Variants in PAPPA2 observed in about 807,000 individuals in gnomAD.
The protein encoded by PAPPA2 is pappalysin-2.
Under a neutral mutation model 176.4 loss-of-function variants are expected in PAPPA2, and 86 were observed. The observed-to-expected ratio is 0.49, with a 90% CI of 0.41 to 0.58. PAPPA2 has a LOEUF of 0.58. Among genes scored for constraint, PAPPA2 ranks in the 20% least tolerant of loss-of-function variants. The pLI is 0.00. For missense variants in PAPPA2, 2,073 were observed against 2,256.9 expected (o/e 0.92, Z 1.65); for synonymous variants, 809 against 852.2 (o/e 0.95, Z 0.88).
chr1:176,633,918 G>A (rs1656502315), intron 3 of PAPPA2, among the ~76,000 whole-genome samples: 1 of 152,110 alleles, frequency 6.6e-6, no homozygotes, highest in Non-Finnish European at 1.5e-5. Context: ...AGTTAGAATG[G>A]CGATCATTAA....
chr1:176,723,700 A>T (rs1995651), intron 12 of PAPPA2, among the ~76,000 whole-genome samples: 34,312 of 152,082 alleles, frequency 0.23, 4,554 homozygotes, highest in African/African-American at 0.36. Context: ...CCCAAAAAAA[A>T]TTCTATCATT....
At chr1:176,539,814 C>T (rs902836397) in intron 1 of PAPPA2, among the ~76,000 whole-genome samples, 3 of 152,202 alleles carry the variant, frequency 2.0e-5, no homozygotes, top group Non-Finnish European at 4.4e-5. Context: ...CAGGAGAACT[C>T]ATGCTGGATG....
rs375468446 is a variant in PAPPA2 at position 176,557,156 on chromosome 1, G to T, written c.834G>T (p.Val278=). 1 of 1,613,856 alleles carries T rather than the reference G, an allele frequency of 6.2e-7. No individual in the cohort carries two copies. Among genetic ancestry groups the T allele is most frequent in the African/African-American group, 1.3e-5 (1 of 74,904 alleles). ...AGCGGCTGCTGCTGCGTCCAGAAGT[G>T]CTGGCTGAGATTCCCCGGGAGGCGT... is the stretch of plus-strand genomic sequence containing the variant. The part of the protein sequence containing the change: ...RRERLLLRPE[V]LAEIPREAFT... Residue 278 remains valine, a synonymous_variant, in exon 2 of 23, where the codon GTG becomes GTT. Transcript: ENST00000367662.
At chr1:176,735,714 A>G (rs1208489990) in intron 12 of PAPPA2, among the ~76,000 whole-genome samples, 2 of 151,206 alleles carry the variant, frequency 1.3e-5, no homozygotes, top group Non-Finnish European at 3.0e-5. Flanking sequence ...CTATCTATCT[A>G]TCTATCTATC....
chr1:176,720,386 T>TTA lies in PAPPA2; in HGVS notation c.3798+8415_3798+8416dup, dbSNP rs985827839. ...ATATGCTTAGTTTGTTATCAACATA[T>TTA]TATATATATATGTGCAATATAAAAT... On this transcript the variant is annotated intron_variant, in intron 12 of 22. Transcript: ENST00000367662. Among the ~76,000 whole-genome samples the TTA allele has an allele frequency of 2.7e-4, 41 of 152,162 alleles. 1 individual carries two copies. Among genetic ancestry groups the TTA allele is most frequent in the Admixed American group, 7.9e-4 (12 of 15,278 alleles).
chr1:176,524,235 C>G (rs142097190), intron 1 of PAPPA2, among the ~76,000 whole-genome samples: 5 of 151,484 alleles, frequency 3.3e-5, no homozygotes, highest in African/African-American at 4.8e-5. Flanking sequence ...AAGCCATATA[C>G]GCTGCAGAGT....
At chr1:176,704,961 T>C (rs963096764) in intron 9 of PAPPA2, among the ~76,000 whole-genome samples, 2 of 152,220 alleles carry the variant, frequency 1.3e-5, no homozygotes, top group African/African-American at 4.8e-5. Context: ...ATTACAGTTC[T>C]GTTGGGCCGC....
At chr1:176,730,515 T>C (rs1336547746) in intron 12 of PAPPA2, among the ~76,000 whole-genome samples, 1 of 152,000 alleles carries the variant, frequency 6.6e-6, no homozygotes, top group East Asian at 1.9e-4. Context: ...TACGCATGCA[T>C]GGGGTTTGTC....
chr1:176,477,881 G>A (rs1425174483), intron 1 of PAPPA2, among the ~76,000 whole-genome samples: 1 of 152,124 alleles, frequency 6.6e-6, no homozygotes, highest in Non-Finnish European at 1.5e-5. Flanking sequence ...TTGCTATAAG[G>A]ATCCCAGACT....
intron 1 of PAPPA2, among the ~76,000 whole-genome samples, chr1:176,538,477 G>A (rs1320264439): frequency 6.6e-6 from 1 of 152,188 alleles, no homozygotes; most frequent in Non-Finnish European, 1.5e-5. Context: ...TCATGCCAAG[G>A]TCTGTGCCTT....
At chr1:176,653,024 C>T (rs971048833) in intron 3 of PAPPA2, among the ~76,000 whole-genome samples, 2 of 151,662 alleles carry the variant, frequency 1.3e-5, no homozygotes, top group Non-Finnish European at 3.0e-5. Context: ...TGCTTCTACA[C>T]CACCATTTTA....
intron 3 of PAPPA2, among the ~76,000 whole-genome samples, chr1:176,610,794 C>A (rs1278986056): frequency 1.3e-5 from 2 of 152,196 alleles, no homozygotes; most frequent in Non-Finnish European, 2.9e-5. Context: ...AAAAGAGTCA[C>A]AATGGCCTTT....
In PAPPA2 at chr1:176,844,813, A is replaced by G. The variant is rs998071242; in HGVS notation, c.*2359A>G. 6.6e-6 allele frequency: 1 copy of G among 152,204 alleles called. No individual in the cohort carries two copies. The highest frequency in any genetic ancestry group is 2.4e-5 in the African/African-American group (1 of 41,454). 9.4% of individuals were successfully genotyped at this position (152,204 alleles called of 1,614,324 possible). A position where few individuals can be genotyped will look rare whatever the true frequency, so the allele number is the denominator to read the frequency against. On this transcript the variant is annotated 3_prime_UTR_variant, in exon 23 of 23. Transcript: ENST00000367662. ...CCTGGGCATTACTCAGCTCAGGAAC[A>G]TGGAGCCTGTGGTTCATGCCAGTGT...
At chr1:176,814,707 T>C (rs990376537) in intron 21 of PAPPA2, among the ~76,000 whole-genome samples, 3 of 152,220 alleles carry the variant, frequency 2.0e-5, no homozygotes, top group African/African-American at 7.2e-5. Flanking sequence ...GTTTTCTAGA[T>C]ACAGGATCAT....
chr1:176,739,543 C>A, intron 12 of PAPPA2, 83 bp from the exon 13 acceptor site: 1 of 1,440,796 alleles, frequency 6.9e-7, no homozygotes, highest in East Asian at 2.3e-5. Context: ...AGTGAGCTCT[C>A]TAAGAAGAAT....
chr1:176,588,081 T>C (rs1421962265), intron 2 of PAPPA2, among the ~76,000 whole-genome samples: 1 of 152,232 alleles, frequency 6.6e-6, no homozygotes, highest in Non-Finnish European at 1.5e-5. Flanking sequence ...TCCTCTCTTA[T>C]ATCCTTGAGC....
chr1:176,555,056 C>T (rs948987064), intron 1 of PAPPA2, among the ~76,000 whole-genome samples: 1 of 151,264 alleles, frequency 6.6e-6, no homozygotes, highest in African/African-American at 2.4e-5. Flanking sequence ...TACTCCAAAA[C>T]ACTATTGATT....
intron 1 of PAPPA2, among the ~76,000 whole-genome samples, chr1:176,514,623 C>T (rs983980873): frequency 4.6e-5 from 7 of 152,224 alleles, no homozygotes; most frequent in African/African-American, 1.7e-4. Flanking sequence ...TCACTGCAGC[C>T]TAGGCTCATC....
intron 1 of PAPPA2, among the ~76,000 whole-genome samples, chr1:176,530,985 T>C (rs1157149186): frequency 6.6e-6 from 1 of 152,228 alleles, no homozygotes; most frequent in African/African-American, 2.4e-5. Context: ...CACATGAAAG[T>C]CTCATTAAGC....
Sources: gnomAD v4.1 joint callset for allele counts (sites outside exome capture counted in the v4.1 genomes callset) on GRCh38, gnomAD v4.1.1 for gene constraint, MANE v1.5 for transcripts, NCBI Gene and HGNC (gene_info 2026-07-23, HGNC 2026-07-21) for gene names.